Variants in CHAT observed in about 807,000 individuals in gnomAD.
CHAT encodes acetyl CoA:choline O-acetyltransferase.
In CHAT, 61 loss-of-function variants were observed where a neutral mutation model predicts 76.9. The ratio of observed to expected loss-of-function variants is 0.79; its 90% confidence interval spans 0.65 to 0.98. The LOEUF is 0.98. CHAT is among the 50% of genes least tolerant of loss of function. CHAT has a pLI of 0.00. For synonymous variants in CHAT, 407 were observed against 397.4 expected (o/e 1.02, Z -0.29); for missense variants, 946 against 986.9 (o/e 0.96, Z 0.56).
intron 10 of CHAT, among the ~76,000 whole-genome samples, chr10:49,649,864 CTATTTTTTTTTTT>C (rs766765845): frequency 1.1e-5 from 1 of 87,646 alleles, no homozygotes; most frequent in Non-Finnish European, 2.3e-5. Flanking sequence ...AAACGCAGGG[CTATTTTTTTTTTT>C]TTTTTTTTTT....
intron 7 of CHAT, among the ~76,000 whole-genome samples, chr10:49,642,819 G>A (rs1839529841): frequency 6.6e-6 from 1 of 152,246 alleles, no homozygotes; most frequent in Non-Finnish European, 1.5e-5. Flanking sequence ...CAGCATTCAA[G>A]CTGCCTATGG....
intron 3 of CHAT, 124 bp downstream of exon 3, chr10:49,620,040 T>A: frequency 1.1e-6 from 1 of 949,760 alleles, no homozygotes; most frequent in South Asian, 1.7e-5. Context: ...GGGACAGGGA[T>A]GGGGGATAGG....
At chr10:49,659,619 T>G (rs1840131308) in intron 13 of CHAT, among the ~76,000 whole-genome samples, 1 of 152,150 alleles carries the variant, frequency 6.6e-6, no homozygotes, top group African/African-American at 2.4e-5. Flanking sequence ...CCTAGCACCT[T>G]GGGAGGCCGA....
In CHAT at chr10:49,646,624, G is replaced by T. The variant is rs746595362; in HGVS notation, c.1231G>T (p.Gly411Ter). 1.2e-5 allele frequency: 19 copies of T among 1,614,180 alleles called. No individual in the cohort carries two copies. Among genetic ancestry groups the T allele is most frequent in the African/African-American group, 1.3e-5 (1 of 75,066 alleles). ...CAGGGCACTCCAGCTCCTTCACGGC[G>T]GAGGCTACAGCAAGAACGGGGCCAA... ...THRALQLLHG[G>*]GYSKNGANRW... Residue 411 changes from glycine to a stop codon, truncating the protein, a stop_gained, in exon 8 of 15, where the codon GGA (glycine) becomes TGA (stop). Transcript: ENST00000337653. LOFTEE classifies it high-confidence loss of function.
chr10:49,640,241 G>A lies in CHAT; in HGVS notation c.1112-6264G>A, dbSNP rs959520489. On this transcript the variant is annotated intron_variant, in intron 7 of 14. Coordinates refer to ENST00000337653, the MANE Select transcript of CHAT (RefSeq NM_020549.5). Reference sequence around the variant, plus strand: ...GGCTGGAGTACAGTGGTGTGATGTCGGCTCAATGCAGCCTCCGCCTCCCGT... The same window carrying A: ...GGCTGGAGTACAGTGGTGTGATGTCAGCTCAATGCAGCCTCCGCCTCCCGT... 2.6e-5 allele frequency among the ~76,000 whole-genome samples: 4 copies of A among 152,068 alleles called. No homozygotes were observed. The East Asian group carries it at 5.8e-4, about 22-fold the overall frequency.
In CHAT at chr10:49,666,284, C is replaced by T. The variant is rs897763033; in HGVS notation, c.*1238C>T. ...GCCCCAGCTCCAGCTCCAGCCCCAG[C>T]TCCAGCTCCAGCATGGGCAGGACAG... On this transcript the variant is annotated 3_prime_UTR_variant, in exon 15 of 15. Transcript: ENST00000337653. Among the ~76,000 whole-genome samples, 1 of 152,176 alleles carries T rather than the reference C, an allele frequency of 6.6e-6. No individual in the cohort carries two copies. The highest frequency in any genetic ancestry group is 2.4e-5 in the African/African-American group (1 of 41,446).
chr10:49,622,009 G>T, intron 4 of CHAT, 88 bp from the exon 5 acceptor site: 4 of 1,461,876 alleles, frequency 2.7e-6, no homozygotes, highest in Admixed American at 1.7e-5. Flanking sequence ...GAAGGAAGAG[G>T]GAAGGAGGGA....
intron 13 of CHAT, among the ~76,000 whole-genome samples, chr10:49,658,579 C>T (rs1393347048): frequency 3.3e-5 from 5 of 151,918 alleles, no homozygotes; most frequent in Non-Finnish European, 7.4e-5. Context: ...TGTGGTGGCA[C>T]ATGCCTGTAA....
chr10:49,618,018 G>A (rs912440184), intron 2 of CHAT, among the ~76,000 whole-genome samples: 2 of 152,170 alleles, frequency 1.3e-5, no homozygotes, highest in African/African-American at 2.4e-5. Context: ...TGCAGCCTAT[G>A]GGGAGGAACC....
chr10:49,611,364 G>A (rs1484351159), upstream of CHAT: 11 of 1,600,150 alleles, frequency 6.9e-6, no homozygotes, highest in South Asian at 1.1e-5. Context: ...CGGAGGAGCC[G>A]GAGCGCAGTC....
intron 7 of CHAT, among the ~76,000 whole-genome samples, chr10:49,639,675 C>T (rs1349789300): frequency 6.6e-6 from 1 of 152,006 alleles, no homozygotes; most frequent in Non-Finnish European, 1.5e-5. Context: ...AAAAGTTTGA[C>T]TATGATATGT....
At position 49,665,179 on chromosome 10, in the gene CHAT, G is replaced by C; in HGVS notation, c.*133G>C. 1 of 954,208 alleles carries C rather than the reference G, an allele frequency of 1.0e-6. No individual in the cohort carries two copies. Among genetic ancestry groups the C allele is most frequent in the Non-Finnish European group, 1.7e-6 (1 of 597,850 alleles). 59.1% of individuals were successfully genotyped at this position (954,208 alleles called of 1,614,324 possible). A position where few individuals can be genotyped will look rare whatever the true frequency, so the allele number is the denominator to read the frequency against. On this transcript the variant is annotated 3_prime_UTR_variant, in exon 15 of 15. Transcript: ENST00000337653. Reference sequence around the variant, plus strand: ...GGGTCCAACTCACAGACCATACAGAGACATCACACAGAGCCGGAGTGTTAG... The same window carrying C: ...GGGTCCAACTCACAGACCATACAGACACATCACACAGAGCCGGAGTGTTAG...
At chr10:49,616,722 A>T (rs1462080988) in intron 2 of CHAT, 120 bp downstream of exon 2, 1 of 758,310 alleles carries the variant, frequency 1.3e-6, no homozygotes, top group Non-Finnish European at 2.3e-6. Context: ...CCTGCCCTCT[A>T]CTGGCACAAG....
At chr10:49,609,735 T>C (rs902836028), upstream of CHAT, among the ~76,000 whole-genome samples, 3 of 144,578 alleles carry the variant, frequency 2.1e-5, no homozygotes, top group Non-Finnish European at 4.6e-5. Flanking sequence ...CTGGCGGGAG[T>C]GTGTGTGCAA....
chr10:49,665,035 C>T lies in CHAT; in HGVS notation c.2236C>T (p.His746Tyr). ...KEKATRPSQG[H>Y]QP is the part of the protein sequence containing the mutation. ...AAAAGCCACGAGGCCCAGCCAGGGA[C>T]ACCAACCTTGACTCCTGCCACTAGG... Residue 746 changes from histidine to tyrosine, a missense_variant, in exon 15 of 15, where the codon CAC becomes TAC. Around this residue, in one of 3 missense-constraint regions of CHAT, gnomAD observed 349 missense variants for 393.9 expected, o/e 0.89. Coordinates refer to ENST00000337653, the MANE Select transcript of CHAT (RefSeq NM_020549.5). 1 of 1,613,958 alleles carries T rather than the reference C, an allele frequency of 6.2e-7. No homozygotes were observed.
At chr10:49,632,515 G>T (rs1839160313) in intron 7 of CHAT, among the ~76,000 whole-genome samples, 1 of 152,118 alleles carries the variant, frequency 6.6e-6, no homozygotes, top group African/African-American at 2.4e-5. Context: ...TGGGTACAGG[G>T]ACAGTGCTCA....
At position 49,614,398 on chromosome 10, in the gene CHAT, T is replaced by G; in HGVS notation, c.209T>G (p.Leu70Arg). ...CGCGCTGCGACACGCCCCCCACCCC[T>G]TCCGGCTCACACCCCCGCCCACACT... ...HPRAATRPPP[L>R]PAHTPAHTPE... The change falls in exon 1 of 15, where the codon CTT becomes CGT. Residue 70 changes from leucine (L) to arginine (R), a missense_variant. Physicochemically the swap from Leu to Arg is moderately radical, Grantham distance 102 (BLOSUM62 -2). Coordinates refer to ENST00000337653, the MANE Select transcript of CHAT (RefSeq NM_020549.5). 1.9e-6 allele frequency: 3 copies of G among 1,543,030 alleles called. No homozygotes were observed. Among genetic ancestry groups the G allele is most frequent in the Non-Finnish European group, 1.8e-6 (2 of 1,142,776 alleles).
At chr10:49,630,548 AG>A (rs139980994) in intron 7 of CHAT, among the ~76,000 whole-genome samples, 3 of 152,238 alleles carry the variant, frequency 2.0e-5, no homozygotes, top group Non-Finnish European at 2.9e-5. Flanking sequence ...GAGTTGAACC[AG>A]TGAGTATGGT....
chr10:49,637,941 T>C (rs766843239), intron 7 of CHAT, among the ~76,000 whole-genome samples: 7 of 152,188 alleles, frequency 4.6e-5, no homozygotes, highest in Non-Finnish European at 1.0e-4. Context: ...ATATGTTCGA[T>C]GGGTATTTGA....
Sources: allele counts gnomAD v4.1 joint callset (sites outside exome capture counted in the v4.1 genomes callset), GRCh38; gene constraint gnomAD v4.1.1; regional missense constraint gnomAD v4.1.1; transcripts MANE v1.5; gene names NCBI Gene and HGNC (gene_info 2026-07-23, HGNC 2026-07-21).